The following DDAH1 variants were observed in gnomAD, a reference collection of about 807,000 sequenced individuals.
DDAH1 encodes the protein N(G),N(G)-dimethylarginine dimethylaminohydrolase 1.
A neutral mutation model predicts 28.8 loss-of-function variants in DDAH1; 19 were observed. The ratio of observed to expected loss-of-function variants is 0.66; its 90% CI spans 0.46 to 0.97. DDAH1 has a LOEUF of 0.97. Ranked by LOEUF, DDAH1 falls within the 50% of genes least tolerant of loss-of-function variation. DDAH1 has a pLI of 0.00. For synonymous variants in DDAH1, 153 were observed against 154.4 expected (o/e 0.99, Z 0.07); for missense variants, 326 against 375.9 (o/e 0.87, Z 1.10).
At chr1:85,520,533 G>A (rs1361900167) in intron 1 of DDAH1, among the ~76,000 whole-genome samples, 2 of 152,340 alleles carry the variant, frequency 1.3e-5, no homozygotes, top group East Asian at 1.9e-4. Flanking sequence ...GAAGACTTAA[G>A]TAGACACTTA....
intron 1 of DDAH1, among the ~76,000 whole-genome samples, chr1:85,498,979 A>G (rs1656698356): frequency 6.6e-6 from 1 of 152,096 alleles, no homozygotes; most frequent in Admixed American, 6.6e-5. Context: ...GAAGAAAAGG[A>G]GAAACAAAGG....
At chr1:85,530,865 T>C (rs1456458916) in intron 1 of DDAH1, among the ~76,000 whole-genome samples, 1 of 149,716 alleles carries the variant, frequency 6.7e-6, no homozygotes, top group African/African-American at 2.5e-5. Context: ...GTGGCACATG[T>C]CTGTAATCCC....
chr1:85,327,880 C>T (rs1487654362), intron 4 of DDAH1, among the ~76,000 whole-genome samples: 1 of 152,200 alleles, frequency 6.6e-6, no homozygotes, highest in Non-Finnish European at 1.5e-5. Context: ...TTGTTTCTTG[C>T]AAGTCACTTG....
At chr1:85,473,502 C>G (rs1433529965) in intron 2 of DDAH1, among the ~76,000 whole-genome samples, 1 of 152,110 alleles carries the variant, frequency 6.6e-6, no homozygotes, top group Non-Finnish European at 1.5e-5. Context: ...CACACACACG[C>G]ACGCGCACAG....
At chr1:85,465,349 G>A (rs368244007), upstream of DDAH1, 105 of 398,296 alleles carry the variant, frequency 2.6e-4, 1 homozygote, top group Middle Eastern at 3.7e-3. Context: ...GGCCGGGGAA[G>A]CAGCGAGGGC....
intron 1 of DDAH1, among the ~76,000 whole-genome samples, chr1:85,546,378 C>T (rs1463030609): frequency 1.3e-5 from 2 of 152,134 alleles, no homozygotes; most frequent in Non-Finnish European, 2.9e-5. Context: ...GATGTGACTT[C>T]GGTATTGATA....
chr1:85,413,291 T>G (rs1028178722), intron 1 of DDAH1, among the ~76,000 whole-genome samples: 1 of 152,228 alleles, frequency 6.6e-6, no homozygotes, highest in Non-Finnish European at 1.5e-5. Flanking sequence ...TTAGCACGTA[T>G]TTTTTGCAGC....
Position 85,449,643 on chromosome 1 carries a change from C to A in DDAH1, c.303+15100G>T, listed in dbSNP as rs1449488310. On this transcript the variant is annotated intron_variant, in intron 1 of 5. Transcript: ENST00000284031. ...TAAACGATACTGCTGTTGTTTATTGCGGGTGAAGGATTAGCTGGGAGAAGG... is the reference window on the plus strand; with the variant it reads ...TAAACGATACTGCTGTTGTTTATTGAGGGTGAAGGATTAGCTGGGAGAAGG... 5.9e-5 allele frequency among the ~76,000 whole-genome samples: 9 copies of A among 151,934 alleles called. No homozygotes were observed. The East Asian group carries it at 1.8e-3, about 30-fold the overall frequency.
chr1:85,552,351 C>A (rs78602614), intron 1 of DDAH1, among the ~76,000 whole-genome samples: 10 of 152,190 alleles, frequency 6.6e-5, no homozygotes, highest in African/African-American at 2.4e-4. Flanking sequence ...GGTTTCTCAA[C>A]GGCTATAGAA....
At chr1:85,498,008 A>T (rs1408412994) in intron 1 of DDAH1, among the ~76,000 whole-genome samples, 1 of 152,212 alleles carries the variant, frequency 6.6e-6, no homozygotes, top group African/African-American at 2.4e-5. Context: ...GTGTCTTAAA[A>T]CTTGCCTTCC....
intron 1 of DDAH1, among the ~76,000 whole-genome samples, chr1:85,389,724 A>G (rs1179250316): frequency 3.3e-5 from 5 of 152,228 alleles, no homozygotes; most frequent in Non-Finnish European, 1.5e-5. Flanking sequence ...CAAAGGATGA[A>G]TGAATACGAC....
chr1:85,508,362 C>T (rs1455058784), intron 1 of DDAH1, among the ~76,000 whole-genome samples: 1 of 152,138 alleles, frequency 6.6e-6, no homozygotes, highest in Non-Finnish European at 1.5e-5. Context: ...CCAAGATGGC[C>T]AAATAGGAAC....
At chr1:85,341,835 A>G (rs1319357225) in intron 4 of DDAH1, among the ~76,000 whole-genome samples, 1 of 147,054 alleles carries the variant, frequency 6.8e-6, no homozygotes, top group Non-Finnish European at 1.5e-5. Context: ...AAAGAGAAAA[A>G]CAAAAACAAA....
chr1:85,350,859 G>A (rs1361564642), intron 3 of DDAH1, among the ~76,000 whole-genome samples: 1 of 152,038 alleles, frequency 6.6e-6, no homozygotes, highest in African/African-American at 2.4e-5. Flanking sequence ...GGGGAACGGA[G>A]CATCTTGAGA....
chr1:85,421,735 T>A (rs567386033), intron 1 of DDAH1, among the ~76,000 whole-genome samples: 16 of 152,228 alleles, frequency 1.1e-4, no homozygotes, highest in Admixed American at 2.0e-4. Context: ...TTTAGCAATA[T>A]GCATTTAAGA....
At chr1:85,550,146 T>G (rs2100793881) in intron 1 of DDAH1, among the ~76,000 whole-genome samples, 1 of 152,362 alleles carries the variant, frequency 6.6e-6, no homozygotes, top group Non-Finnish European at 1.5e-5. Context: ...ATTTTAGATA[T>G]GCCCAACTAC....
At chr1:85,384,344 C>T (rs1341103812) in intron 1 of DDAH1, among the ~76,000 whole-genome samples, 1 of 152,172 alleles carries the variant, frequency 6.6e-6, no homozygotes, top group Non-Finnish European at 1.5e-5. Context: ...GTACTCTGCC[C>T]TGCAAATTCT....
intron 1 of DDAH1, among the ~76,000 whole-genome samples, chr1:85,401,104 C>G (rs1475912672): frequency 3.3e-5 from 5 of 152,164 alleles, no homozygotes; most frequent in African/African-American, 1.2e-4. Flanking sequence ...CTTTTGAGTA[C>G]AGCAGACTAA....
At position 85,464,679 on chromosome 1, in the gene DDAH1, G is replaced by C. The variant is rs912751071; in HGVS notation, c.303+64C>G. On this transcript the variant is annotated intron_variant, in intron 1 of 5. Coordinates refer to ENST00000284031, the MANE Select transcript of DDAH1 (RefSeq NM_012137.4). The surrounding 1 kb of genome is among the most constrained non-coding windows in gnomAD (Gnocchi z 4.4). ...AATGGCGCGACTCCCCAGGCAACAC[G>C]GCGGCCGGCGGCGGGGGAGGGCCTG... is the stretch of plus-strand genomic sequence containing the variant. The C allele has an allele frequency of 2.8e-6, 4 of 1,427,116 alleles. No homozygotes were observed. Among genetic ancestry groups the C allele is most frequent in the African/African-American group, 3.0e-5 (2 of 67,458 alleles). The allele number at this position is 1,427,116 out of a possible 1,614,324, so 88.4% of individuals were successfully genotyped here.
Sources: gnomAD v4.1 joint callset for allele counts (sites outside exome capture counted in the v4.1 genomes callset) on GRCh38, gnomAD v4.1.1 for gene constraint, Gnocchi (gnomAD v3.1) non-coding constraint, MANE v1.5 for transcripts, NCBI Gene and HGNC (gene_info 2026-07-23, HGNC 2026-07-21) for gene names.